Variants in RAB1A observed in about 807,000 individuals in gnomAD.
RAB1A encodes ras-related protein Rab-1A.
Under a neutral mutation model 26.0 loss-of-function variants are expected in RAB1A, and 2 were observed. The ratio of observed to expected loss-of-function variants is 0.08; its 90% CI spans 0.03 to 0.24. The LOEUF is 0.24. Ranked by LOEUF, RAB1A falls within the 10% of genes least tolerant of loss-of-function variation. RAB1A has a pLI of 1.00. For missense variants in RAB1A, 100 were observed against 247.0 expected, an observed-to-expected ratio of 0.40 and a Z score of 3.99; for synonymous variants, 84 against 84.9, an observed-to-expected ratio of 0.99 and a Z score of 0.06.
At chr2:65,090,942 C>A in intron 4 of RAB1A, 41 bp downstream of exon 4, 1 of 1,358,334 alleles carries the variant, frequency 7.4e-7, no homozygotes, top group Non-Finnish European at 1.0e-6. Flanking sequence ...ATAATGGCTT[C>A]CTACTTGGTC....
At chr2:65,106,319 C>A in intron 1 of RAB1A, 1 of 280,866 alleles carries the variant, frequency 3.6e-6, no homozygotes, top group Non-Finnish European at 7.2e-6. Flanking sequence ...TTTTGATTTA[C>A]TTTCAAAAAT....
intron 1 of RAB1A, among the ~76,000 whole-genome samples, chr2:65,121,177 TGAGCCATG>T: frequency 7.2e-6 from 1 of 139,260 alleles, no homozygotes; most frequent in South Asian, 2.2e-4. Flanking sequence ...GAGACTGCAG[TGAGCCATG>T]ACTGTGCTAC....
rs891397304 is a variant in RAB1A at position 65,087,991 on chromosome 2, CTA to C, written c.*500_*501del. On this transcript the variant is annotated 3_prime_UTR_variant, in exon 6 of 6. Transcript: ENST00000409784. ...AAATTATATGCAGAGTATGAAGAAA[CTA>C]TTAATCAGATAGTGTAATCTTTCCA... 6.5e-6 allele frequency: 1 copy of C among 153,150 alleles called. No homozygotes were observed. Among genetic ancestry groups the C allele is most frequent in the Non-Finnish European group, 1.5e-5 (1 of 68,464 alleles). The allele number at this position is 153,150 out of a possible 1,614,324, so 9.5% of individuals were successfully genotyped here. A position where few individuals can be genotyped will look rare whatever the true frequency, so the allele number is the denominator to read the frequency against.
At chr2:65,109,907 T>A (rs1030702245) in intron 1 of RAB1A, among the ~76,000 whole-genome samples, 2 of 152,192 alleles carry the variant, frequency 1.3e-5, no homozygotes, top group African/African-American at 4.8e-5. Context: ...CCCTTACGTT[T>A]GACATAGCTA....
At chr2:65,124,328 C>T (rs1382893356) in intron 1 of RAB1A, among the ~76,000 whole-genome samples, 1 of 152,136 alleles carries the variant, frequency 6.6e-6, no homozygotes, top group Non-Finnish European at 1.5e-5. Flanking sequence ...GACATGGTGG[C>T]CCACCCAGTG....
intron 3 of RAB1A, among the ~76,000 whole-genome samples, chr2:65,091,730 G>C (rs535013588): frequency 1.3e-5 from 2 of 152,176 alleles, no homozygotes; most frequent in South Asian, 4.1e-4. Context: ...TCGCTACATT[G>C]CCCAGGCTGG....
chr2:65,107,893 A>G (rs924874636), intron 1 of RAB1A, among the ~76,000 whole-genome samples: 2 of 151,988 alleles, frequency 1.3e-5, no homozygotes, highest in Non-Finnish European at 2.9e-5. Flanking sequence ...GTGAAACCCC[A>G]TCTCTACTAA....
At chr2:65,129,220 C>A (rs1329484026) in intron 1 of RAB1A, among the ~76,000 whole-genome samples, 2 of 147,494 alleles carry the variant, frequency 1.4e-5, no homozygotes, top group Admixed American at 6.8e-5. Context: ...AAACAAAATT[C>A]TCACAAATGC....
At chr2:65,091,142 G>A in intron 3 of RAB1A, 64 bp from the exon 4 acceptor site, 1 of 1,267,960 alleles carries the variant, frequency 7.9e-7, no homozygotes, top group Admixed American at 1.8e-5. Flanking sequence ...AAAAGTGTAG[G>A]AGGGAGGGGA....
intron 3 of RAB1A, 143 bp downstream of exon 3, chr2:65,097,828 T>C (rs894122249): frequency 5.9e-5 from 27 of 454,272 alleles, no homozygotes; most frequent in African/African-American, 4.7e-4. Context: ...AAGTAATTCT[T>C]ATTCTACCAT....
At chr2:65,108,475 A>AT (rs1356041454) in intron 1 of RAB1A, among the ~76,000 whole-genome samples, 6 of 152,140 alleles carry the variant, frequency 3.9e-5, no homozygotes, top group Non-Finnish European at 7.4e-5. Flanking sequence ...CAACCACTAC[A>AT]TTTTTTTAAG....
At chr2:65,103,968 C>T (rs1407557805) in intron 2 of RAB1A, among the ~76,000 whole-genome samples, 1 of 152,008 alleles carries the variant, frequency 6.6e-6, no homozygotes. Context: ...TTAGTAGAGA[C>T]GGGGTTTCAC....
At chr2:65,123,499 C>A (rs964697898) in intron 1 of RAB1A, among the ~76,000 whole-genome samples, 8 of 151,938 alleles carry the variant, frequency 5.3e-5, no homozygotes, top group Non-Finnish European at 1.2e-4. Flanking sequence ...ACCAAGATAC[C>A]TGAGAAATAA....
At position 65,128,058 on chromosome 2, in the gene RAB1A, G is replaced by A. The variant is rs1573097157; in HGVS notation, c.23+1835C>T. The stretch of plus-strand genomic sequence containing the variant: ...CTATATCTAAACTTCTTAAGCGCAA[G>A]GATTATATTCCTAAATCCTGGTACT... On this transcript the variant is annotated intron_variant, in intron 1 of 5. Coordinates refer to ENST00000409784, the MANE Select transcript of RAB1A (RefSeq NM_004161.5). Among the ~76,000 whole-genome samples, 3 of 152,164 alleles carry A rather than the reference G, an allele frequency of 2.0e-5. No individual in the cohort carries two copies. In the South Asian group the frequency reaches 6.2e-4, roughly 32 times the overall value.
chr2:65,094,441 C>T (rs1034435485), intron 3 of RAB1A, among the ~76,000 whole-genome samples: 2 of 151,862 alleles, frequency 1.3e-5, no homozygotes, highest in Non-Finnish European at 2.9e-5. Context: ...AAAATTAGCC[C>T]GGCGTGGTGG....
intron 2 of RAB1A, among the ~76,000 whole-genome samples, chr2:65,102,828 C>T (rs1029422432): frequency 2.6e-5 from 4 of 151,306 alleles, no homozygotes; most frequent in Admixed American, 2.6e-4. Flanking sequence ...TGGGAGGCTA[C>T]GGCAGAAGAA....
At chr2:65,102,839 T>C (rs1283369252) in intron 2 of RAB1A, among the ~76,000 whole-genome samples, 4 of 151,798 alleles carry the variant, frequency 2.6e-5, no homozygotes, top group South Asian at 4.2e-4. Context: ...GGCAGAAGAA[T>C]TGCTTGAACC....
intron 2 of RAB1A, among the ~76,000 whole-genome samples, chr2:65,099,989 A>G (rs1669381398): frequency 1.3e-5 from 2 of 152,228 alleles, no homozygotes. Flanking sequence ...CATAAAAAAT[A>G]TATAAATAAA....
chr2:65,090,821 AT>A (rs1669156630), intron 4 of RAB1A, among the ~76,000 whole-genome samples, 161 bp downstream of exon 4: 1 of 152,264 alleles, frequency 6.6e-6, no homozygotes, highest in Non-Finnish European at 1.5e-5. Context: ...AGGAAAACAA[AT>A]GTCTTTTAAG....
Sources: allele counts gnomAD v4.1 joint callset (sites outside exome capture counted in the v4.1 genomes callset), GRCh38; gene constraint gnomAD v4.1.1; transcripts MANE v1.5; gene names NCBI Gene and HGNC (gene_info 2026-07-23, HGNC 2026-07-21).